SUFU: variants seen among roughly 807,000 people sequenced by gnomAD.
SUFU encodes suppressor of fused homolog.
In SUFU, 7 loss-of-function variants were observed where a neutral mutation model predicts 58.9. That is an observed-to-expected ratio of 0.12 (90% CI 0.07 to 0.22). The LOEUF is 0.22. SUFU is among the 10% of genes least tolerant of loss of function. The probability of loss-of-function intolerance (pLI) is 1.00; values close to 1 mark genes in which losing one functional copy is unlikely to be tolerated. For synonymous variants in SUFU, 232 were observed against 254.8 expected, an observed-to-expected ratio of 0.91 and a Z score of 0.85; for missense variants, 451 against 641.3, an observed-to-expected ratio of 0.70 and a Z score of 3.20.
At chr10:102,594,886 T>C (rs529534311) in intron 6 of SUFU, among the ~76,000 whole-genome samples, 128 of 152,164 alleles carry the variant, frequency 8.4e-4, no homozygotes, top group Non-Finnish European at 1.4e-3. Context: ...GCCCAGATAA[T>C]TTTTTGTATT....
rs1045455355 is a variant in SUFU, at chr10:102,632,622, C to T, written c.*2467C>T. ...GCACAGGATGCTTGGTGAATGTACCCTTTCTTTCCCTCCCTGCAGCTCTGA... is the reference window on the plus strand; with the variant it reads ...GCACAGGATGCTTGGTGAATGTACCTTTTCTTTCCCTCCCTGCAGCTCTGA... On this transcript the variant is annotated 3_prime_UTR_variant, in exon 12 of 12. Coordinates refer to ENST00000369902, the MANE Select transcript of SUFU (RefSeq NM_016169.4). The T allele has an allele frequency of 3.9e-5, 9 of 233,220 alleles. No individual in the cohort carries two copies. Among genetic ancestry groups the T allele is most frequent in the African/African-American group, 1.8e-4 (8 of 45,346 alleles). The allele number at this position is 233,220 out of a possible 1,614,324, so 14.4% of individuals were successfully genotyped here. A position where few individuals can be genotyped will look rare whatever the true frequency, so the allele number is the denominator to read the frequency against.
At chr10:102,603,647 T>A (rs1053642563) in intron 8 of SUFU, among the ~76,000 whole-genome samples, 1 of 152,130 alleles carries the variant, frequency 6.6e-6, no homozygotes, top group Admixed American at 6.6e-5. Flanking sequence ...TTTGCCTTAA[T>A]TTCATGGAGA....
At chr10:102,560,750 A>G (rs1018748131) in intron 3 of SUFU, among the ~76,000 whole-genome samples, 2 of 152,130 alleles carry the variant, frequency 1.3e-5, no homozygotes, top group African/African-American at 4.8e-5. Context: ...CTATTGTTAG[A>G]CATTTGGGTC....
Position 102,619,266 on chromosome 10 carries a change from G to C in SUFU, c.1296+1838G>C. 6.9e-7 allele frequency: 1 copy of C among 1,456,710 alleles called. No homozygotes were observed. Among genetic ancestry groups the C allele is most frequent in the Non-Finnish European group, 9.0e-7 (1 of 1,105,610 alleles). 90.2% of individuals were successfully genotyped at this position (1,456,710 alleles called of 1,614,324 possible). On this transcript the variant is annotated intron_variant, in intron 10 of 11. Coordinates refer to ENST00000369902, the MANE Select transcript of SUFU (RefSeq NM_016169.4). This position sits in a 1 kb window ranked among gnomAD's most constrained non-coding sequence, Gnocchi z 4.2. ...TCCCCAAGCCCCTGACCCCCTAGCT[G>C]CCGGGGTTCCCACTCCCAGTGCCAC...
chr10:102,630,424 G>C lies in SUFU; in HGVS notation c.*269G>C. The C allele has an allele frequency of 3.8e-6, 2 of 521,754 alleles. No homozygotes were observed. The highest frequency in any genetic ancestry group is 3.3e-5 in the East Asian group (1 of 30,096). 32.3% of individuals were successfully genotyped at this position (521,754 alleles called of 1,614,324 possible). A position where few individuals can be genotyped will look rare whatever the true frequency, so the allele number is the denominator to read the frequency against. On this transcript the variant is annotated 3_prime_UTR_variant, in exon 12 of 12. Coordinates refer to ENST00000369902, the MANE Select transcript of SUFU (RefSeq NM_016169.4). ...CAAATGCGGACCCTCCCTGCCTGCA[G>C]CCTGCACAGATTCTGGTTTGAGGTT... is the stretch of plus-strand genomic sequence containing the variant.
chr10:102,573,578 A>G (rs1590043877), intron 3 of SUFU, among the ~76,000 whole-genome samples: 1 of 152,378 alleles, frequency 6.6e-6, no homozygotes, highest in African/African-American at 2.4e-5. Flanking sequence ...TCAAGTGTCC[A>G]TCAACAGATG....
chr10:102,599,344 A>T (rs2063493806), intron 7 of SUFU, 89 bp from the exon 8 acceptor site: 1 of 1,003,496 alleles, frequency 1.0e-6, no homozygotes, highest in Non-Finnish European at 1.6e-6. Flanking sequence ...AGTTTTTCTT[A>T]GCACCTCTGC....
chr10:102,579,989 C>T (rs900937604), intron 3 of SUFU: 17 of 347,354 alleles, frequency 4.9e-5, no homozygotes, highest in Admixed American at 6.8e-5. Flanking sequence ...AGCTCCTCAG[C>T]CACATGTACA....
intron 3 of SUFU, among the ~76,000 whole-genome samples, chr10:102,579,549 C>A (rs1241849771): frequency 6.6e-6 from 1 of 152,150 alleles, no homozygotes; most frequent in African/African-American, 2.4e-5. Context: ...GAAGAGCGGG[C>A]GGTTCTGGAG....
At chr10:102,601,251 C>T (rs1408838074) in intron 8 of SUFU, among the ~76,000 whole-genome samples, 1 of 152,196 alleles carries the variant, frequency 6.6e-6, no homozygotes, top group Non-Finnish European at 1.5e-5. Flanking sequence ...GGGGCACTTC[C>T]AGCTACTGCA....
intron 6 of SUFU, among the ~76,000 whole-genome samples, chr10:102,596,308 A>G (rs916096415): frequency 1.3e-5 from 2 of 152,262 alleles, no homozygotes; most frequent in African/African-American, 2.4e-5. Context: ...CCACATGGAC[A>G]TAGAGCCTTC....
chr10:102,510,533 T>C (rs2062388501), intron 2 of SUFU, among the ~76,000 whole-genome samples: 1 of 151,240 alleles, frequency 6.6e-6, no homozygotes, highest in Non-Finnish European at 1.5e-5. Flanking sequence ...TTAAAAAGAT[T>C]TTTTTTGGCT....
chr10:102,534,486 A>G (rs1277656803), intron 2 of SUFU, among the ~76,000 whole-genome samples: 1 of 152,214 alleles, frequency 6.6e-6, no homozygotes, highest in Non-Finnish European at 1.5e-5. Flanking sequence ...GAAGTCCCCT[A>G]GGGGACAGGC....
At chr10:102,542,794 T>G (rs2062817057) in intron 2 of SUFU, among the ~76,000 whole-genome samples, 1 of 152,084 alleles carries the variant, frequency 6.6e-6, no homozygotes, top group South Asian at 2.1e-4. Context: ...CCAGCTAATT[T>G]TTGTACTTTT....
intron 2 of SUFU, among the ~76,000 whole-genome samples, chr10:102,509,858 G>C (rs560205602): frequency 1.9e-4 from 29 of 151,484 alleles, no homozygotes; most frequent in Non-Finnish European, 3.5e-4. Flanking sequence ...TTTTTTTGGA[G>C]ATAGGGTCTC....
chr10:102,560,719 G>A (rs10786683), intron 3 of SUFU, among the ~76,000 whole-genome samples: 68,998 of 151,984 alleles, frequency 0.45, 16,062 homozygotes, highest in East Asian at 0.67. Context: ...TACATATACT[G>A]TACTTTATTT....
intron 8 of SUFU, among the ~76,000 whole-genome samples, chr10:102,612,130 C>G (rs1486724942): frequency 2.0e-5 from 3 of 151,782 alleles, no homozygotes; most frequent in Non-Finnish European, 4.4e-5. Flanking sequence ...GCTTCTGCAT[C>G]GATGTCCAGA....
chr10:102,562,904 A>G (rs574655225), intron 3 of SUFU, among the ~76,000 whole-genome samples: 1 of 152,312 alleles, frequency 6.6e-6, no homozygotes, highest in East Asian at 1.9e-4. Context: ...AAAACAAAAC[A>G]GTAGATATTG....
chr10:102,545,917 T>A (rs930510399), intron 2 of SUFU, among the ~76,000 whole-genome samples: 2 of 152,190 alleles, frequency 1.3e-5, no homozygotes, highest in Non-Finnish European at 2.9e-5. Context: ...GAGGCTGCAG[T>A]GAGCTGTGAT....
Sources: gnomAD v4.1 joint callset for allele counts (sites outside exome capture counted in the v4.1 genomes callset) on GRCh38, gnomAD v4.1.1 for gene constraint, Gnocchi (gnomAD v3.1) non-coding constraint, MANE v1.5 for transcripts, NCBI Gene and HGNC (gene_info 2026-07-23, HGNC 2026-07-21) for gene names.